The following MAP3K15 variants were observed in gnomAD, a reference collection of about 807,000 sequenced individuals.
MAP3K15 encodes mitogen-activated protein kinase kinase kinase 15.
In MAP3K15, 124 loss-of-function variants were observed where a neutral mutation model predicts 99.5. The ratio of observed to expected loss-of-function variants is 1.25; its 90% CI spans 1.08 to 1.45. MAP3K15 has a LOEUF of 1.45. Among genes scored for constraint, MAP3K15 ranks in the 40% most tolerant of loss-of-function variants. MAP3K15 has a pLI of 0.00. For synonymous variants in MAP3K15, 494 were observed against 439.6 expected (o/e 1.12, Z -1.55); for missense variants, 1,242 against 1,079.7 (o/e 1.15, Z -2.11).
chrX:19,460,457 A>C lies in MAP3K15; in HGVS notation c.720-304T>G, dbSNP rs747020221. Among the ~76,000 whole-genome samples, 112 of 112,534 alleles carry C rather than the reference A, an allele frequency of 1.0e-3. 1 individual carries two copies. Among genetic ancestry groups the C allele is most frequent in the Non-Finnish European group, 1.7e-3 (90 of 53,316 alleles). On this transcript the variant is annotated intron_variant, in intron 4 of 28. Coordinates refer to ENST00000338883, the MANE Select transcript of MAP3K15 (RefSeq NM_001001671.4). Reference sequence around the variant, plus strand: ...CAAACCCACTGTCTCCGGCATTTTCAAACATATAGAGGGTGAGAAGTTACC... The same window carrying C: ...CAAACCCACTGTCTCCGGCATTTTCCAACATATAGAGGGTGAGAAGTTACC...
intron 19 of MAP3K15, among the ~76,000 whole-genome samples, chrX:19,375,831 G>A (rs111248802): frequency 3.6e-4 from 40 of 112,366 alleles, no homozygotes; most frequent in African/African-American, 6.1e-4. Flanking sequence ...CCAACACAGC[G>A]CTCCTCCTGG....
At chrX:19,479,106 T>C (rs759022939) in intron 3 of MAP3K15, among the ~76,000 whole-genome samples, 83 of 111,685 alleles carry the variant, frequency 7.4e-4, no homozygotes, top group Non-Finnish European at 1.0e-3. Context: ...CATACACACA[T>C]TTCTCAAATG....
rs1486248285 is a variant in MAP3K15, at chrX:19,373,684, C to T, written c.2785G>A (p.Gly929Ser). Residue 929 changes from glycine (G) to serine (S), a missense_variant, in exon 21 of 29, where the codon GGT becomes AGT. Physicochemically the swap from Gly to Ser is moderately conservative, Grantham distance 56 (BLOSUM62 0). Coordinates refer to ENST00000338883, the MANE Select transcript of MAP3K15 (RefSeq NM_001001671.4). ...TGTGTGGGCAGGGCCAGGACGACACCGCGGGGACCTTCTGTAGGGGGACAG... is the reference window on the plus strand; with the variant it reads ...TGTGTGGGCAGGGCCAGGACGACACTGCGGGGACCTTCTGTAGGGGGACAG... ...IAFKPSEGPR[G>S]VVLALPTQGE... 1.7e-6 allele frequency: 2 copies of T among 1,197,191 alleles called. No homozygotes were observed. Among genetic ancestry groups the T allele is most frequent in the Non-Finnish European group, 2.2e-6 (2 of 893,749 alleles).
At chrX:19,435,757 T>C (rs778280132) in intron 6 of MAP3K15, among the ~76,000 whole-genome samples, 18 of 112,494 alleles carry the variant, frequency 1.6e-4, no homozygotes, top group Admixed American at 6.6e-4. Context: ...TAAAAACTCC[T>C]ATGTTGAATC....
chrX:19,453,947 G>A (rs1484960883), intron 6 of MAP3K15, among the ~76,000 whole-genome samples: 2 of 111,683 alleles, frequency 1.8e-5, no homozygotes, highest in Non-Finnish European at 3.8e-5. Context: ...CGGCTGGGAA[G>A]CTCAGAGACT....
At chrX:19,487,039 A>T (rs1485125210) in intron 2 of MAP3K15, among the ~76,000 whole-genome samples, 2 of 106,028 alleles carry the variant, frequency 1.9e-5, no homozygotes, top group African/African-American at 6.8e-5. Context: ...GGAATGTTCA[A>T]ATTCAATGAC....
At chrX:19,506,361 C>T (rs1013179551) in intron 1 of MAP3K15, among the ~76,000 whole-genome samples, 5 of 111,749 alleles carry the variant, frequency 4.5e-5, no homozygotes, top group East Asian at 5.6e-4. Flanking sequence ...TGAGCCACCA[C>T]ACCTGGCAAC....
At chrX:19,476,130 A>T (rs747930632) in intron 3 of MAP3K15, among the ~76,000 whole-genome samples, 5 of 112,411 alleles carry the variant, frequency 4.4e-5, no homozygotes, top group Non-Finnish European at 9.4e-5. Context: ...GGCCTTCCAG[A>T]AAACATCTTT....
chrX:19,394,835 T>A (rs73637636), intron 16 of MAP3K15, among the ~76,000 whole-genome samples: 654 of 53,124 alleles, frequency 0.012, 33 homozygotes, highest in African/African-American at 0.061. Flanking sequence ...TTTTTTTTTT[T>A]AAAAAGAGTG....
chrX:19,408,064 G>C (rs1481584607), intron 12 of MAP3K15, among the ~76,000 whole-genome samples: 2 of 112,306 alleles, frequency 1.8e-5, no homozygotes, highest in Non-Finnish European at 3.8e-5. Flanking sequence ...GGAACACCAA[G>C]AGTACAGAGG....
intron 3 of MAP3K15, among the ~76,000 whole-genome samples, chrX:19,477,113 G>A (rs767143692): frequency 8.0e-5 from 9 of 111,955 alleles, no homozygotes; most frequent in Non-Finnish European, 1.5e-4. Context: ...ATTATGTCTC[G>A]ATTTAAAGAA....
intron 6 of MAP3K15, among the ~76,000 whole-genome samples, chrX:19,433,348 G>A (rs968299596): frequency 3.6e-5 from 4 of 111,528 alleles, no homozygotes; most frequent in African/African-American, 1.3e-4. Flanking sequence ...CAATGCAGGT[G>A]GCATCACGCA....
intron 25 of MAP3K15, among the ~76,000 whole-genome samples, chrX:19,363,484 A>T (rs925776129): frequency 2.7e-5 from 3 of 112,005 alleles, no homozygotes; most frequent in African/African-American, 9.7e-5. Flanking sequence ...ATCGTGAACC[A>T]AAAGATGCCG....
intron 25 of MAP3K15, among the ~76,000 whole-genome samples, chrX:19,363,715 C>T (rs1021721296): frequency 9.2e-5 from 10 of 108,245 alleles, no homozygotes; most frequent in Non-Finnish European, 1.7e-4. Context: ...TGCAGTGGCA[C>T]AATCTCGGCT....
chrX:19,465,319 C>T (rs1365639152), intron 3 of MAP3K15, among the ~76,000 whole-genome samples: 1 of 111,773 alleles, frequency 8.9e-6, no homozygotes, highest in East Asian at 2.8e-4. Context: ...TCAATGTTGT[C>T]TTAGACAAAG....
At chrX:19,418,357 G>T (rs1350420929) in intron 9 of MAP3K15, among the ~76,000 whole-genome samples, 2 of 111,517 alleles carry the variant, frequency 1.8e-5, no homozygotes, top group African/African-American at 6.5e-5. Context: ...AGGACCTGAT[G>T]GAGCTGAAAA....
intron 6 of MAP3K15, among the ~76,000 whole-genome samples, chrX:19,445,669 G>A (rs935530810): frequency 9.3e-6 from 1 of 107,315 alleles, no homozygotes; most frequent in Non-Finnish European, 1.9e-5. Flanking sequence ...AAGGCCAGGT[G>A]TAGCGGCTCA....
At chrX:19,473,462 A>C (rs1027990491) in intron 3 of MAP3K15, among the ~76,000 whole-genome samples, 3 of 112,631 alleles carry the variant, frequency 2.7e-5, no homozygotes, top group African/African-American at 9.7e-5. Context: ...AGCTATTTGT[A>C]GTTGTTACAT....
chrX:19,409,584 G>A lies in MAP3K15; in HGVS notation c.1748+340C>T, dbSNP rs898269843. Among the ~76,000 whole-genome samples, 57 of 111,363 alleles carry A rather than the reference G, an allele frequency of 5.1e-4. 1 individual carries two copies. Among genetic ancestry groups the A allele is most frequent in the African/African-American group, 1.8e-3 (54 of 30,658 alleles). ...GAGTGTTGCCACTAATCATCTCCTG[G>A]CTTCAGTTCTCAGAGTCACTGAGCA... On this transcript the variant is annotated intron_variant, in intron 12 of 28. Coordinates refer to ENST00000338883, the MANE Select transcript of MAP3K15 (RefSeq NM_001001671.4).
Sources: allele counts gnomAD v4.1 joint callset (sites outside exome capture counted in the v4.1 genomes callset), GRCh38; gene constraint gnomAD v4.1.1; transcripts MANE v1.5; gene names NCBI Gene and HGNC (gene_info 2026-07-23, HGNC 2026-07-21).